Variants in MAPKAPK5 observed in about 807,000 individuals in gnomAD.
MAPKAPK5 encodes the protein MAP kinase-activated protein kinase 5.
MAPKAPK5 carries 30 observed loss-of-function variants against 65.1 expected under a neutral mutation model. That is an observed-to-expected ratio of 0.46 (90% CI 0.34 to 0.63). The LOEUF (loss-of-function observed/expected upper bound fraction) is 0.63, where lower values mean the gene tolerates loss of function less well. Ranked by LOEUF, MAPKAPK5 falls within the 20% of genes least tolerant of loss-of-function variation. The pLI is 0.01. For missense variants in MAPKAPK5, 433 were observed against 581.4 expected, an observed-to-expected ratio of 0.74 and a Z score of 2.63; for synonymous variants, 179 against 204.6, an observed-to-expected ratio of 0.87 and a Z score of 1.07.
rs566081049 is a variant in MAPKAPK5, at chr12:111,861,904, C to A, written c.37-3346C>A. Among the ~76,000 whole-genome samples, 5 of 152,264 alleles carry A rather than the reference C, an allele frequency of 3.3e-5. No individual in the cohort carries two copies. The South Asian group carries it at 1.0e-3, about 32-fold the overall frequency. ...AACAGGCAATGGCTGAATTTGCTGA[C>A]CCCTTGTCTTGGAGAATTCTCAAAA... On this transcript the variant is annotated intron_variant, in intron 1 of 13. Transcript: ENST00000550735.
intron 9 of MAPKAPK5, chr12:111,885,671 A>G (rs1390744496): frequency 2.0e-5 from 9 of 457,120 alleles, no homozygotes; most frequent in South Asian, 1.3e-4. Context: ...ACTCAAAAGT[A>G]TCACTGGATT....
rs369322050 is a variant in MAPKAPK5 at position 111,847,289 on chromosome 12, A to G, written c.36+4520A>G. ...CTTGAACACGGGAGGTGGAAGTTGT[A>G]GTGAGCTGAGATTGCTCCACTGTAC... On this transcript the variant is annotated intron_variant, in intron 1 of 13. Transcript: ENST00000550735. Among the ~76,000 whole-genome samples the G allele has an allele frequency of 2.7e-5, 4 of 150,520 alleles. No individual in the cohort carries two copies. The East Asian group carries it at 5.9e-4, about 22-fold the overall frequency.
At chr12:111,870,675 C>A (rs1177077969) in intron 6 of MAPKAPK5, among the ~76,000 whole-genome samples, 4 of 152,078 alleles carry the variant, frequency 2.6e-5, no homozygotes, top group Non-Finnish European at 2.9e-5. Context: ...TGCTGTTTTC[C>A]CTTTCAGCTC....
chr12:111,885,788 T>C, intron 9 of MAPKAPK5, 128 bp from the exon 10 acceptor site: 1 of 1,173,296 alleles, frequency 8.5e-7, no homozygotes, highest in Non-Finnish European at 1.2e-6. Context: ...ATCTGTGCTC[T>C]GCAGGTGGAA....
Position 111,883,218 on chromosome 12 carries a change from A to T in MAPKAPK5, c.661-363A>T, listed in dbSNP as rs2070296077. On this transcript the variant is annotated intron_variant, in intron 8 of 13. Coordinates refer to ENST00000550735, the MANE Select transcript of MAPKAPK5 (RefSeq NM_003668.4). This position sits in a 1 kb window ranked among gnomAD's most constrained non-coding sequence, Gnocchi z 4.8. Reference sequence around the variant, plus strand: ...AAAGCCTATCTCTACTAAAAAAAAAATACAAAAATTAGCCAGGCGGCATGG... The same window carrying T: ...AAAGCCTATCTCTACTAAAAAAAAATTACAAAAATTAGCCAGGCGGCATGG... 6.6e-6 allele frequency among the ~76,000 whole-genome samples: 1 copy of T among 152,092 alleles called. No individual in the cohort carries two copies.
intron 8 of MAPKAPK5, among the ~76,000 whole-genome samples, chr12:111,880,927 A>T (rs888935047): frequency 3.9e-5 from 6 of 152,186 alleles, no homozygotes; most frequent in Non-Finnish European, 8.8e-5. Flanking sequence ...TCTGAGACAC[A>T]GACGCTAGAG....
rs117281682 is a variant in MAPKAPK5, at chr12:111,900,217, A to C, written c.*7156A>C. 3 of 455,910 alleles carry C rather than the reference A, an allele frequency of 6.6e-6. No individual in the cohort carries two copies. In the Admixed American group the frequency reaches 7.0e-5, roughly 11 times the overall value. The allele number at this position is 455,910 out of a possible 1,614,324, so 28.2% of individuals were successfully genotyped here. A position where few individuals can be genotyped will look rare whatever the true frequency, so the allele number is the denominator to read the frequency against. On this transcript the variant is annotated 3_prime_UTR_variant, in exon 14 of 14. Transcript: ENST00000550735. ...ATGCTCTTCCATCGTGCAAAACACG[A>C]TGTTGCCCACATGATCGTTGGGCAT...
Position 111,883,532 on chromosome 12 carries a change from T to G in MAPKAPK5, c.661-49T>G. 6.4e-7 allele frequency: 1 copy of G among 1,559,426 alleles called. No homozygotes were observed. Among genetic ancestry groups the G allele is most frequent in the Non-Finnish European group, 8.8e-7 (1 of 1,140,252 alleles). The stretch of plus-strand genomic sequence containing the variant: ...CTGAGCCTGTCATGGGGTGTTTATT[T>G]GGGGGCTCTGCTTCTGCTGTGAGTG... On this transcript the variant is annotated intron_variant, in intron 8 of 13. Transcript: ENST00000550735. The surrounding 1 kb of genome is among the most constrained non-coding windows in gnomAD (Gnocchi z 4.8).
intron 7 of MAPKAPK5, among the ~76,000 whole-genome samples, chr12:111,875,491 G>GC (rs762276504): frequency 2.6e-5 from 4 of 151,886 alleles, no homozygotes; most frequent in Non-Finnish European, 4.4e-5. Context: ...TACAGTCTTG[G>GC]CCCCCCCTTA....
At chr12:111,873,492 C>T (rs1488110568) in intron 7 of MAPKAPK5, among the ~76,000 whole-genome samples, 3 of 151,970 alleles carry the variant, frequency 2.0e-5, no homozygotes, top group Admixed American at 6.6e-5. Context: ...TACAGGAGCC[C>T]GCCACCATGT....
rs369566882 is a variant in MAPKAPK5 at position 111,893,211 on chromosome 12, T to C, written c.*150T>C. The C allele has an allele frequency of 2.1e-6, 1 of 475,402 alleles. No individual in the cohort carries two copies. Among genetic ancestry groups the C allele is most frequent in the East Asian group, 3.9e-5 (1 of 25,822 alleles). The allele number at this position is 475,402 out of a possible 1,614,324, so 29.4% of individuals were successfully genotyped here. On this transcript the variant is annotated 3_prime_UTR_variant, in exon 14 of 14. Coordinates refer to ENST00000550735, the MANE Select transcript of MAPKAPK5 (RefSeq NM_003668.4). ...TAGGGTGCAGGACTTAATAATAGTA[T>C]AGTTATTGTTTGTTTTTAAGAAAAG...
At chr12:111,853,615 A>G (rs144443199) in intron 1 of MAPKAPK5, among the ~76,000 whole-genome samples, 3 of 151,882 alleles carry the variant, frequency 2.0e-5, no homozygotes, top group Admixed American at 6.6e-5. Flanking sequence ...GCTTACTGCA[A>G]CCTCCGCCTC....
At chr12:111,875,571 C>T (rs1041013068) in intron 7 of MAPKAPK5, among the ~76,000 whole-genome samples, 3 of 151,760 alleles carry the variant, frequency 2.0e-5, no homozygotes, top group Non-Finnish European at 4.4e-5. Context: ...AATGGGGGAC[C>T]GAGAGGTATC....
At chr12:111,876,303 G>C (rs1376099633) in intron 7 of MAPKAPK5, among the ~76,000 whole-genome samples, 4 of 151,814 alleles carry the variant, frequency 2.6e-5, no homozygotes, top group African/African-American at 7.3e-5. Flanking sequence ...AACAATTTGG[G>C]TGGAAGGAGG....
Position 111,850,798 on chromosome 12 carries a change from C to G in MAPKAPK5, c.36+8029C>G, listed in dbSNP as rs12231006. On this transcript the variant is annotated intron_variant, in intron 1 of 13. Coordinates refer to ENST00000550735, the MANE Select transcript of MAPKAPK5 (RefSeq NM_003668.4). ...AGTTTATGATCAGGACTACCCTGGT[C>G]TATAAAGCTGCTAACCTCTGAGCCT... 0.056 allele frequency among the ~76,000 whole-genome samples: 8,448 copies of G among 152,114 alleles called. 1,305 individuals carry two copies. The East Asian group carries it at 0.61, about 11-fold the overall frequency.
rs562836029 is a variant in MAPKAPK5 at position 111,900,289 on chromosome 12, C to T, written c.*7228C>T. ...CAGGCCTTTCTCAGTGGTGCCTGCT[C>T]AAGCGGTTTTGCGGCAGCTGTTGAA... is the stretch of plus-strand genomic sequence containing the variant. On this transcript the variant is annotated 3_prime_UTR_variant, in exon 14 of 14. Transcript: ENST00000550735. The T allele has an allele frequency of 2.2e-6, 1 of 455,922 alleles. No homozygotes were observed. The highest frequency in any genetic ancestry group is 4.4e-6 in the Non-Finnish European group (1 of 226,802). The allele number at this position is 455,922 out of a possible 1,614,324, so 28.2% of individuals were successfully genotyped here. A position where few individuals can be genotyped will look rare whatever the true frequency, so the allele number is the denominator to read the frequency against.
At chr12:111,889,990 C>T in intron 12 of MAPKAPK5, 50 bp from the exon 13 acceptor site, 1 of 1,174,486 alleles carries the variant, frequency 8.5e-7, no homozygotes, top group South Asian at 1.3e-5. Flanking sequence ...ACACTAAAAC[C>T]CCATGATGCT....
chr12:111,891,348 C>G (rs1325453892), intron 13 of MAPKAPK5, among the ~76,000 whole-genome samples: 7 of 149,994 alleles, frequency 4.7e-5, no homozygotes, highest in African/African-American at 1.7e-4. Context: ...GTGATCCACC[C>G]ACCTTGGCCT....
intron 1 of MAPKAPK5, among the ~76,000 whole-genome samples, chr12:111,845,986 G>A (rs1265626316): frequency 6.6e-6 from 1 of 152,160 alleles, no homozygotes; most frequent in Admixed American, 6.5e-5. Context: ...ACTTAAGGGT[G>A]CTTTAGAAAG....
Sources: allele counts gnomAD v4.1 joint callset (sites outside exome capture counted in the v4.1 genomes callset), GRCh38; gene constraint gnomAD v4.1.1; non-coding constraint Gnocchi (gnomAD v3.1); transcripts MANE v1.5; gene names NCBI Gene and HGNC (gene_info 2026-07-23, HGNC 2026-07-21).